The following CLEC6A variants were observed in gnomAD, a reference collection of about 807,000 sequenced individuals.
CLEC6A encodes C-type lectin domain containing 6A, also known as C-type lectin domain family 6 member A.
A neutral mutation model predicts 25.7 loss-of-function variants in CLEC6A; 22 were observed. The ratio of observed to expected loss-of-function variants is 0.85; its 90% CI spans 0.61 to 1.22. The LOEUF (loss-of-function observed/expected upper bound fraction) is 1.22. CLEC6A is among the 50% of genes most tolerant of loss of function. The pLI is 0.00. For missense variants in CLEC6A, 240 were observed against 236.8 expected, an observed-to-expected ratio of 1.01 and a Z score of -0.09; for synonymous variants, 92 against 76.7, an observed-to-expected ratio of 1.20 and a Z score of -1.04.
At chr12:8,474,630 GT>G (rs1245015035) in intron 4 of CLEC6A, among the ~76,000 whole-genome samples, 1 of 152,128 alleles carries the variant, frequency 6.6e-6, no homozygotes, top group Non-Finnish European at 1.5e-5. Flanking sequence ...GGAATATTAG[GT>G]TATGTCAGGA....
intron 4 of CLEC6A, among the ~76,000 whole-genome samples, chr12:8,470,940 A>G (rs998369432): frequency 6.6e-6 from 1 of 152,114 alleles, no homozygotes; most frequent in Non-Finnish European, 1.5e-5. Context: ...ATTTATATAT[A>G]TGACTTTTAT....
At chr12:8,460,404 G>A (rs997716254) in intron 3 of CLEC6A, among the ~76,000 whole-genome samples, 2 of 152,192 alleles carry the variant, frequency 1.3e-5, no homozygotes, top group Non-Finnish European at 1.5e-5. Context: ...ATCAGATCTT[G>A]TGAGACTTAT....
intron 4 of CLEC6A, among the ~76,000 whole-genome samples, chr12:8,475,384 A>T (rs1357320805): frequency 1.3e-5 from 2 of 151,748 alleles, no homozygotes; most frequent in African/African-American, 4.8e-5. Flanking sequence ...ACACACTCAT[A>T]TGTATATATG....
intron 3 of CLEC6A, among the ~76,000 whole-genome samples, chr12:8,463,932 T>A (rs1418800659): frequency 3.3e-5 from 5 of 152,220 alleles, no homozygotes; most frequent in Non-Finnish European, 7.3e-5. Context: ...ATTTCACATG[T>A]TCAACTTACA....
intron 4 of CLEC6A, among the ~76,000 whole-genome samples, chr12:8,466,717 G>A (rs1215144234): frequency 5.9e-5 from 9 of 151,278 alleles, no homozygotes; most frequent in South Asian, 2.1e-4. Context: ...GTGCAGTGGC[G>A]CAATCTCAGC....
rs1249261033 is a variant in CLEC6A at position 8,465,477 on chromosome 12, A to G, written c.224-7A>G. Reference sequence around the variant, plus strand: ...TCACTCTTTTTTTTCATGTAACACAAAAATAGCCTGGGGATGTTGCCCAGC... The same window carrying G: ...TCACTCTTTTTTTTCATGTAACACAGAAATAGCCTGGGGATGTTGCCCAGC... On this transcript the variant is annotated splice_region_variant and splice_polypyrimidine_tract_variant and intron_variant, in intron 3 of 5. Coordinates refer to ENST00000382073, the MANE Select transcript of CLEC6A (RefSeq NM_001007033.2). 6.2e-7 allele frequency: 1 copy of G among 1,613,978 alleles called. No homozygotes were observed. Among genetic ancestry groups the G allele is most frequent in the Admixed American group, 1.7e-5 (1 of 60,022 alleles).
At position 8,459,625 on chromosome 12, in the gene CLEC6A, T is replaced by G; in HGVS notation, c.150T>G (p.Thr50=). ...VVTYHFTYGE[T]GKRLSELHSY... ...CTTACCATTTTACATATGGTGAAAC[T>G]GGCAAAAGGCTGTCTGAACTACACT... Residue 50 remains threonine (T), a synonymous_variant, in exon 3 of 6, where the codon ACT becomes ACG. Transcript: ENST00000382073. The G allele has an allele frequency of 3.1e-6, 5 of 1,612,442 alleles. No individual in the cohort carries two copies. Among genetic ancestry groups the G allele is most frequent in the Non-Finnish European group, 4.2e-6 (5 of 1,178,454 alleles).
chr12:8,477,082 C>A (rs138879101), intron 5 of CLEC6A, among the ~76,000 whole-genome samples: 1 of 151,978 alleles, frequency 6.6e-6, no homozygotes, highest in Non-Finnish European at 1.5e-5. Context: ...ATGATTGCAG[C>A]GGAAAGATCT....
At chr12:8,471,685 T>C (rs1939909024) in intron 4 of CLEC6A, among the ~76,000 whole-genome samples, 2 of 152,170 alleles carry the variant, frequency 1.3e-5, no homozygotes, top group Admixed American at 1.3e-4. Context: ...TTACTTAGTC[T>C]AGATAAGCAT....
At chr12:8,460,335 C>T (rs759428327) in intron 3 of CLEC6A, among the ~76,000 whole-genome samples, 8 of 152,312 alleles carry the variant, frequency 5.3e-5, no homozygotes, top group African/African-American at 1.9e-4. Flanking sequence ...TCTCACATGG[C>T]AGCAGACAAG....
intron 3 of CLEC6A, chr12:8,460,622 G>T: frequency 1.5e-6 from 2 of 1,358,502 alleles, no homozygotes; most frequent in Non-Finnish European, 2.1e-6. Flanking sequence ...GTCAAGATGG[G>T]TGCATACAAG....
chr12:8,457,722 C>T (rs118172088), intron 1 of CLEC6A, among the ~76,000 whole-genome samples, 176 bp from the exon 2 acceptor site: 1 of 152,298 alleles, frequency 6.6e-6, no homozygotes, highest in Non-Finnish European at 1.5e-5. Context: ...TTCTTTTGGA[C>T]CACAGAGCTA....
At chr12:8,462,452 G>C (rs2136358795) in intron 3 of CLEC6A, among the ~76,000 whole-genome samples, 1 of 140,692 alleles carries the variant, frequency 7.1e-6, no homozygotes, top group Non-Finnish European at 1.6e-5. Flanking sequence ...ATGGGCAATG[G>C]AATGTCTCGG....
At chr12:8,463,339 C>T (rs1939789144) in intron 3 of CLEC6A, among the ~76,000 whole-genome samples, 4 of 151,970 alleles carry the variant, frequency 2.6e-5, no homozygotes. Context: ...ACTTGGAAGT[C>T]TAAATCTTAA....
intron 4 of CLEC6A, among the ~76,000 whole-genome samples, chr12:8,466,495 C>G (rs1307260521): frequency 1.3e-5 from 2 of 152,146 alleles, no homozygotes; most frequent in Non-Finnish European, 2.9e-5. Context: ...CATTTAACAT[C>G]ACCAGCAAGA....
At chr12:8,461,983 A>G (rs1939762533) in intron 3 of CLEC6A, among the ~76,000 whole-genome samples, 1 of 152,132 alleles carries the variant, frequency 6.6e-6, no homozygotes, top group African/African-American at 2.4e-5. Context: ...TGTAGAAAGA[A>G]GTAGACATAG....
chr12:8,460,850 G>T, intron 3 of CLEC6A: 2 of 933,158 alleles, frequency 2.1e-6, no homozygotes, highest in South Asian at 1.3e-5. Flanking sequence ...GTTCCTAAGG[G>T]TACAACTTAC....
rs1940003305 is a variant in CLEC6A at position 8,478,093 on chromosome 12, T to C, written c.*629T>C. 1.3e-5 allele frequency: 2 copies of C among 152,180 alleles called. No homozygotes were observed. Among genetic ancestry groups the C allele is most frequent in the African/African-American group, 2.4e-5 (1 of 41,558 alleles). The allele number at this position is 152,180 out of a possible 1,614,324, so 9.4% of individuals were successfully genotyped here. On this transcript the variant is annotated 3_prime_UTR_variant, in exon 6 of 6. Transcript: ENST00000382073. ...ATTCTTGGTTTATTTGTTTTATTTCTGAGAAATATGTGTTAAGATCTCTCG... is the reference window on the plus strand; with the variant it reads ...ATTCTTGGTTTATTTGTTTTATTTCCGAGAAATATGTGTTAAGATCTCTCG...
chr12:8,465,682 A>G (rs1006636924), intron 4 of CLEC6A, 53 bp downstream of exon 4: 2 of 1,510,458 alleles, frequency 1.3e-6, no homozygotes, highest in African/African-American at 2.8e-5. Context: ...CACAATATAA[A>G]ATTTACTGTC....
Sources: gnomAD v4.1 joint callset for allele counts (sites outside exome capture counted in the v4.1 genomes callset) on GRCh38, gnomAD v4.1.1 for gene constraint, MANE v1.5 for transcripts, NCBI Gene and HGNC (gene_info 2026-07-23, HGNC 2026-07-21) for gene names.